BLVRB: variants seen among roughly 807,000 people sequenced by gnomAD.
The protein encoded by BLVRB is flavin reductase (NADPH).
A neutral mutation model predicts 21.1 loss-of-function variants in BLVRB; 25 were observed. The observed-to-expected ratio is 1.19, with a 90% CI of 0.86 to 1.66. BLVRB has a LOEUF of 1.66. Among genes scored for constraint, BLVRB ranks in the 40% most tolerant of loss-of-function variants. The pLI is 0.00. For missense variants in BLVRB, 274 were observed against 282.7 expected (o/e 0.97, Z 0.22); for synonymous variants, 128 against 122.2 (o/e 1.05, Z -0.31).
chr19:40,461,817 A>T (rs998993011), intron 1 of BLVRB, among the ~76,000 whole-genome samples: 3 of 152,044 alleles, frequency 2.0e-5, no homozygotes, highest in African/African-American at 7.2e-5. Context: ...CTCTTCTTTC[A>T]GTTCCTCAAA....
chr19:40,449,534 C>T (rs759175935), intron 4 of BLVRB, among the ~76,000 whole-genome samples: 1 of 152,122 alleles, frequency 6.6e-6, no homozygotes, highest in African/African-American at 2.4e-5. Context: ...ATGTGAGCCA[C>T]CACGCTGGCC....
chr19:40,452,477 T>A (rs979157170), intron 3 of BLVRB, among the ~76,000 whole-genome samples: 9 of 144,370 alleles, frequency 6.2e-5, no homozygotes, highest in African/African-American at 2.0e-4. Flanking sequence ...CAAACCCCAC[T>A]ATTTTTTTTT....
intron 3 of BLVRB, 30 bp downstream of exon 3, chr19:40,458,125 C>G (rs758730489): frequency 1.2e-6 from 2 of 1,607,054 alleles, no homozygotes; most frequent in South Asian, 1.1e-5. Context: ...CCCCCCAGTT[C>G]AGCCCCACCT....
At chr19:40,451,534 C>CTTTT in intron 3 of BLVRB, 42 bp from the exon 4 acceptor site, 7 of 1,335,544 alleles carry the variant, frequency 5.2e-6, no homozygotes, top group Admixed American at 3.2e-5. Flanking sequence ...GCTCTCTTGT[C>CTTTT]TTTTTTTTTT....
rs1249673226 is a variant in BLVRB, at chr19:40,448,608, A to ATAACAACAACAAATAT, written c.464-563_464-562insATATTTGTTGTTGTTA. Among the ~76,000 whole-genome samples the ATAACAACAACAAATAT allele has an allele frequency of 1.3e-4, 16 of 126,374 alleles. No individual in the cohort carries two copies. In the South Asian group the frequency reaches 2.2e-3, roughly 17 times the overall value. 82.9% of individuals were successfully genotyped at this position (126,374 alleles called of 152,430 possible). ...CTTGTCTCTAACAACAACAACAACA[A>ATAACAACAACAAATAT]ATATATATATATATATATATATATA... On this transcript the variant is annotated intron_variant, in intron 4 of 4. Coordinates refer to ENST00000263368, the MANE Select transcript of BLVRB (RefSeq NM_000713.3).
intron 4 of BLVRB, among the ~76,000 whole-genome samples, chr19:40,448,612 T>C (rs923832133): frequency 0.18 from 7,242 of 39,924 alleles, 216 homozygotes; most frequent in Non-Finnish European, 0.22. Context: ...ACAACAAATA[T>C]ATATATATAT....
At chr19:40,458,968 C>T (rs749203720) in intron 1 of BLVRB, among the ~76,000 whole-genome samples, 4 of 151,904 alleles carry the variant, frequency 2.6e-5, no homozygotes, top group Non-Finnish European at 4.4e-5. Context: ...GCCACTGCGC[C>T]GTGGCCTTCA....
At chr19:40,449,748 A>T (rs1449146929) in intron 4 of BLVRB, among the ~76,000 whole-genome samples, 1 of 152,218 alleles carries the variant, frequency 6.6e-6, no homozygotes, top group African/African-American at 2.4e-5. Context: ...ATATGTTTTC[A>T]CAATATATTC....
At chr19:40,461,075 G>C (rs766028056) in intron 1 of BLVRB, among the ~76,000 whole-genome samples, 5 of 152,104 alleles carry the variant, frequency 3.3e-5, no homozygotes, top group Non-Finnish European at 5.9e-5. Context: ...AAAGAGATGG[G>C]GTTTTGCATG....
At chr19:40,457,881 G>T in intron 3 of BLVRB, 1 of 418,406 alleles carries the variant, frequency 2.4e-6, no homozygotes, top group South Asian at 3.7e-5. Flanking sequence ...TATCCCCTCT[G>T]CCTGCCTCCC....
At chr19:40,458,111 A>G (rs1403790219) in intron 3 of BLVRB, 44 bp downstream of exon 3, 2 of 1,582,048 alleles carry the variant, frequency 1.3e-6, no homozygotes, top group Non-Finnish European at 1.7e-6. Flanking sequence ...CTGCCTCCCC[A>G]GTACCCCCCA....
chr19:40,465,382 T>C (rs1474148145), intron 1 of BLVRB, among the ~76,000 whole-genome samples: 1 of 152,216 alleles, frequency 6.6e-6, no homozygotes, highest in Non-Finnish European at 1.5e-5. Flanking sequence ...AGTGGAGTCC[T>C]CCCGGGGCTC....
chr19:40,454,987 G>A (rs1479474566), intron 3 of BLVRB, among the ~76,000 whole-genome samples: 2 of 151,306 alleles, frequency 1.3e-5, no homozygotes, highest in Non-Finnish European at 2.9e-5. Context: ...GACCACAGGT[G>A]TGTACCACCA....
At chr19:40,453,583 T>C (rs1217548101) in intron 3 of BLVRB, among the ~76,000 whole-genome samples, 1 of 152,244 alleles carries the variant, frequency 6.6e-6, no homozygotes, top group Non-Finnish European at 1.5e-5. Flanking sequence ...CTATGCTAAA[T>C]ATTTTTAGGA....
At chr19:40,448,113 C>T (rs2079722357) in intron 4 of BLVRB, 67 bp from the exon 5 acceptor site, 1 of 1,538,024 alleles carries the variant, frequency 6.5e-7, no homozygotes. Context: ...AATTCGACCC[C>T]CAGAAAGACC....
At chr19:40,453,665 T>G (rs2079750202) in intron 3 of BLVRB, among the ~76,000 whole-genome samples, 1 of 152,150 alleles carries the variant, frequency 6.6e-6, no homozygotes, top group Non-Finnish European at 1.5e-5. Flanking sequence ...CTGGCCAGCT[T>G]CTTGTTTCCT....
intron 4 of BLVRB, among the ~76,000 whole-genome samples, chr19:40,448,608 A>AATATATATAT (rs55783717): frequency 2.8e-3 from 356 of 126,270 alleles, no homozygotes; most frequent in Middle Eastern, 4.5e-3. Flanking sequence ...AACAACAACA[A>AATATATATAT]ATATATATAT....
At chr19:40,448,183 C>T in intron 4 of BLVRB, 137 bp from the exon 5 acceptor site, 1 of 842,102 alleles carries the variant, frequency 1.2e-6, no homozygotes, top group Non-Finnish European at 1.8e-6. Flanking sequence ...AATGGACTTT[C>T]CATATGCAGG....
At chr19:40,450,339 A>T (rs1425478921) in intron 4 of BLVRB, 11 of 133,460 alleles carry the variant, frequency 8.2e-5, no homozygotes, top group African/African-American at 3.1e-4. Context: ...CCCCGTCTGT[A>T]TTAAAAAATA....
Sources: allele counts gnomAD v4.1 joint callset (sites outside exome capture counted in the v4.1 genomes callset), GRCh38; gene constraint gnomAD v4.1.1; transcripts MANE v1.5; gene names NCBI Gene and HGNC (gene_info 2026-07-23, HGNC 2026-07-21).